Variants in ARHGAP29 observed in about 807,000 individuals in gnomAD.
ARHGAP29 encodes rho GTPase-activating protein 29.
A neutral mutation model predicts 122.6 loss-of-function variants in ARHGAP29; 43 were observed. The ratio of observed to expected loss-of-function variants is 0.35; its 90% confidence interval spans 0.27 to 0.45. The LOEUF is 0.45. Among genes scored for constraint, ARHGAP29 ranks in the 20% least tolerant of loss-of-function variants. The probability of loss-of-function intolerance (pLI) is 1.00; values close to 1 mark genes in which losing one functional copy is unlikely to be tolerated. For synonymous variants in ARHGAP29, 506 were observed against 497.1 expected, an observed-to-expected ratio of 1.02 and a Z score of -0.24; for missense variants, 1,303 against 1,477.2, an observed-to-expected ratio of 0.88 and a Z score of 1.93.
chr1:94,252,361 A>G (rs961551130), intron 1 of ARHGAP29, among the ~76,000 whole-genome samples: 1 of 152,224 alleles, frequency 6.6e-6, no homozygotes, highest in Non-Finnish European at 1.5e-5. Flanking sequence ...CAAGGAACAC[A>G]ATTTTTTCAT....
the ARHGAP29 span, among the ~76,000 whole-genome samples, chr1:94,286,499 C>T: frequency 5.3e-5 from 8 of 152,030 alleles, no homozygotes; most frequent in Admixed American, 4.6e-4. Flanking sequence ...AAAACCCTAT[C>T]TCTACAAAAA....
intron 2 of ARHGAP29, among the ~76,000 whole-genome samples, chr1:94,222,404 T>C (rs76866970): frequency 4.6e-5 from 7 of 152,130 alleles, no homozygotes; most frequent in Non-Finnish European, 8.8e-5. Flanking sequence ...AACATCAACA[T>C]TGACAAATCA....
chr1:94,205,613 T>C (rs765597169), intron 6 of ARHGAP29, 22 bp downstream of exon 6: 1 of 1,605,348 alleles, frequency 6.2e-7, no homozygotes, highest in South Asian at 1.1e-5. Flanking sequence ...TTGTGAAAAG[T>C]TATAAACACC....
upstream of ARHGAP29, among the ~76,000 whole-genome samples, chr1:94,275,545 G>A (rs1655150429): frequency 6.6e-6 from 1 of 152,132 alleles, no homozygotes; most frequent in Admixed American, 6.6e-5. Context: ...CAGTAAAAGA[G>A]CAGTAGCTGT....
At position 94,174,231 on chromosome 1, in the gene ARHGAP29, G is replaced by T; in HGVS notation, c.3424C>A (p.Arg1142=). Residue 1142 remains arginine, a synonymous_variant, in exon 23 of 23, where the codon CGG becomes AGG. Coordinates refer to ENST00000260526, the MANE Select transcript of ARHGAP29 (RefSeq NM_004815.4). ...VRSVREASER[R]SSDSYPLAPV... ...GCGAGAGGGTAGGAATCTGAAGACC[G>T]TCTCTCAGATGCCTCTCTCACTGAC... 1 of 1,614,198 alleles carries T rather than the reference G, an allele frequency of 6.2e-7. No individual in the cohort carries two copies. The highest frequency in any genetic ancestry group is 8.5e-7 in the Non-Finnish European group (1 of 1,180,032).
intron 1 of ARHGAP29, among the ~76,000 whole-genome samples, chr1:94,255,773 C>A (rs1654323576): frequency 6.6e-6 from 1 of 152,278 alleles, no homozygotes; most frequent in South Asian, 2.1e-4. Context: ...CGTTTCTGCT[C>A]AGAGTTGAAG....
intron 1 of ARHGAP29, among the ~76,000 whole-genome samples, chr1:94,247,260 T>C (rs1029333593): frequency 6.6e-6 from 1 of 152,036 alleles, no homozygotes; most frequent in African/African-American, 2.4e-5. Flanking sequence ...CGATGAGGGC[T>C]GGTGGCTAGC....
intron 2 of ARHGAP29, among the ~76,000 whole-genome samples, chr1:94,220,986 T>C (rs961191057): frequency 2.0e-5 from 3 of 152,160 alleles, no homozygotes; most frequent in Non-Finnish European, 2.9e-5. Flanking sequence ...TTGGCCACAG[T>C]AGCTAGAACA....
At chr1:94,297,540 C>G in the ARHGAP29 span, among the ~76,000 whole-genome samples, 3 of 152,148 alleles carry the variant, frequency 2.0e-5, no homozygotes, top group Non-Finnish European at 4.4e-5. Flanking sequence ...ACTACCCATT[C>G]CCCTTTCTTT....
upstream of ARHGAP29, among the ~76,000 whole-genome samples, chr1:94,278,484 T>C (rs1655258654): frequency 6.6e-6 from 1 of 152,192 alleles, no homozygotes; most frequent in African/African-American, 2.4e-5. Context: ...ATGTCTTTTA[T>C]GGAGAAGGAA....
chr1:94,202,196 T>C (rs1384119437), intron 11 of ARHGAP29: 16 of 473,602 alleles, frequency 3.4e-5, no homozygotes, highest in Admixed American at 7.7e-5. Context: ...ATCCTTGCTA[T>C]CAGGTGCCTG....
chr1:94,170,615 T>C lies in ARHGAP29; in HGVS notation c.*3254A>G, dbSNP rs78481476. On this transcript the variant is annotated 3_prime_UTR_variant, in exon 23 of 23. Transcript: ENST00000260526. ...TGGTTGTACTATGGTTACGTAGGAA[T>C]GCCCTTGTCTTAAGGAAACACACAG... 0.03 allele frequency among the ~76,000 whole-genome samples: 4,640 copies of C among 152,318 alleles called. 100 individuals are homozygous for C. Among genetic ancestry groups the C allele is most frequent in the Non-Finnish European group, 0.043 (2,924 of 68,028 alleles).
At chr1:94,290,751 C>A in the ARHGAP29 span, among the ~76,000 whole-genome samples, 3 of 152,166 alleles carry the variant, frequency 2.0e-5, no homozygotes, top group Non-Finnish European at 4.4e-5. Flanking sequence ...GTTTCTTAAA[C>A]CTGAGTTCTA....
chr1:94,275,721 T>C (rs920849814), upstream of ARHGAP29, among the ~76,000 whole-genome samples: 6 of 152,040 alleles, frequency 3.9e-5, no homozygotes, highest in African/African-American at 1.4e-4. Flanking sequence ...GGAAAAGGGT[T>C]TTTTTAAAAA....
upstream of ARHGAP29, among the ~76,000 whole-genome samples, chr1:94,240,244 A>G (rs906717635): frequency 4.6e-5 from 7 of 152,334 alleles, no homozygotes; most frequent in African/African-American, 1.7e-4. Flanking sequence ...TAAATAAACT[A>G]TAAGTAAGGT....
At chr1:94,252,429 A>C (rs1654132390) in intron 1 of ARHGAP29, among the ~76,000 whole-genome samples, 1 of 152,186 alleles carries the variant, frequency 6.6e-6, no homozygotes, top group Admixed American at 6.5e-5. Context: ...AGGCAAATAA[A>C]GGATAGTTAC....
the ARHGAP29 span, among the ~76,000 whole-genome samples, chr1:94,304,431 C>G: frequency 6.6e-6 from 1 of 152,238 alleles, no homozygotes; most frequent in African/African-American, 2.4e-5. Context: ...CGAGCCACCA[C>G]ACCTGGCCTC....
At chr1:94,285,967 G>C in the ARHGAP29 span, among the ~76,000 whole-genome samples, 1 of 151,522 alleles carries the variant, frequency 6.6e-6, no homozygotes, top group South Asian at 2.1e-4. Context: ...AAAATATTTT[G>C]AAAGAACATG....
Position 94,174,736 on chromosome 1 carries a change from C to T in ARHGAP29, c.2919G>A (p.Leu973=), listed in dbSNP as rs1306227174. 1.9e-6 allele frequency: 3 copies of T among 1,612,774 alleles called. No individual in the cohort carries two copies. The highest frequency in any genetic ancestry group is 2.5e-6 in the Non-Finnish European group (3 of 1,179,550). The change falls in exon 23 of 23, where the codon TTG becomes TTA. Residue 973 remains leucine, a synonymous_variant. Coordinates refer to ENST00000260526, the MANE Select transcript of ARHGAP29 (RefSeq NM_004815.4). ...CDACLSDKAQ[L]LLDQEAESAS... ...CTGATTCAGCCTCTTGGTCTAGAAGCAACTGTGCTTTGTCTGAAAATGAAA... is the reference window on the plus strand; with the variant it reads ...CTGATTCAGCCTCTTGGTCTAGAAGTAACTGTGCTTTGTCTGAAAATGAAA...
Sources: gnomAD v4.1 joint callset for allele counts (sites outside exome capture counted in the v4.1 genomes callset) on GRCh38, gnomAD v4.1.1 for gene constraint, MANE v1.5 for transcripts, NCBI Gene and HGNC (gene_info 2026-07-23, HGNC 2026-07-21) for gene names.